CACNA1C: variants seen among roughly 807,000 people sequenced by gnomAD.
CACNA1C encodes the protein calcium voltage-gated channel subunit alpha1 C.
CACNA1C carries 30 observed loss-of-function variants against 229.0 expected under a neutral mutation model. The observed-to-expected ratio is 0.13, with a 90% CI of 0.10 to 0.18. The LOEUF (loss-of-function observed/expected upper bound fraction) is 0.18. CACNA1C is among the 10% of genes least tolerant of loss of function. The probability of loss-of-function intolerance (pLI) is 1.00; values close to 1 mark genes in which losing one functional copy is unlikely to be tolerated. For missense variants in CACNA1C, 1,658 were observed against 2,845.0 expected (o/e 0.58, Z 9.49); for synonymous variants, 1,114 against 1,132.5 (o/e 0.98, Z 0.33).
intron 3 of CACNA1C, among the ~76,000 whole-genome samples, chr12:2,298,750 T>C (rs1227628742): frequency 1.3e-5 from 2 of 152,238 alleles, no homozygotes; most frequent in African/African-American, 4.8e-5. Context: ...TCTTGTTCCA[T>C]GTTGCTGCTA....
chr12:2,015,974 A>G (rs1187650783), intron 1 of CACNA1C, among the ~76,000 whole-genome samples: 1 of 152,218 alleles, frequency 6.6e-6, no homozygotes, highest in Non-Finnish European at 1.5e-5. Flanking sequence ...TGACTTTGTT[A>G]TTTGGTAATG....
chr12:2,276,520 C>T (rs2088153104), intron 3 of CACNA1C, among the ~76,000 whole-genome samples: 1 of 152,204 alleles, frequency 6.6e-6, no homozygotes, highest in South Asian at 2.1e-4. Flanking sequence ...TCAGCTTCTC[C>T]TGATTCTCCA....
At chr12:2,671,557 G>T (rs986030715) in intron 38 of CACNA1C, among the ~76,000 whole-genome samples, 10 of 152,198 alleles carry the variant, frequency 6.6e-5, no homozygotes. Flanking sequence ...AAAGATTGAT[G>T]TAAATTAAGG....
chr12:2,558,954 A>T (rs934238786), intron 11 of CACNA1C, among the ~76,000 whole-genome samples: 1 of 152,032 alleles, frequency 6.6e-6, no homozygotes, highest in African/African-American at 2.4e-5. Context: ...AAAAAAAAAA[A>T]TTTCTCTCTC....
intron 3 of CACNA1C, among the ~76,000 whole-genome samples, chr12:2,201,597 T>A (rs2097580487): frequency 6.6e-6 from 1 of 152,246 alleles, no homozygotes. Flanking sequence ...ACTTCTAGCA[T>A]GTATTTATCC....
chr12:2,165,333 A>G (rs2096156627), intron 3 of CACNA1C, among the ~76,000 whole-genome samples: 1 of 152,260 alleles, frequency 6.6e-6, no homozygotes. Context: ...GAGATTTTCC[A>G]GATTGTCCCT....
Position 2,304,336 on chromosome 12 carries a change from C to T in CACNA1C, c.478-144640C>T, listed in dbSNP as rs373457337. 1.6e-4 allele frequency among the ~76,000 whole-genome samples: 24 copies of T among 152,278 alleles called. No individual in the cohort carries two copies. The East Asian group carries it at 3.1e-3, about 20-fold the overall frequency. On this transcript the variant is annotated intron_variant, in intron 3 of 46. Coordinates refer to ENST00000399655, the MANE Select transcript of CACNA1C (RefSeq NM_000719.7). ...CACGCTTTGGGCTTGCAGTTCCTTT[C>T]CTTCCTTCAGGGTCAGGCTTCACCA...
At chr12:2,445,564 G>A (rs1283706183) in intron 3 of CACNA1C, among the ~76,000 whole-genome samples, 3 of 152,130 alleles carry the variant, frequency 2.0e-5, no homozygotes, top group African/African-American at 2.4e-5. Context: ...AAGGCCAAAG[G>A]TCAACAAGAG....
At chr12:1,986,572 C>A (rs915101356) in intron 1 of CACNA1C, among the ~76,000 whole-genome samples, 6 of 152,064 alleles carry the variant, frequency 3.9e-5, no homozygotes, top group African/African-American at 1.4e-4. Context: ...GCTTTCCCTG[C>A]AACTGGCTTC....
intron 3 of CACNA1C, among the ~76,000 whole-genome samples, chr12:2,239,286 A>C (rs1243692575): frequency 6.6e-6 from 1 of 151,960 alleles, no homozygotes; most frequent in Non-Finnish European, 1.5e-5. Context: ...GTCATCGGGT[A>C]CCGTGTCAGT....
At chr12:2,090,483 A>T (rs1368377220) in intron 1 of CACNA1C, among the ~76,000 whole-genome samples, 1 of 151,762 alleles carries the variant, frequency 6.6e-6, no homozygotes, top group Non-Finnish European at 1.5e-5. Context: ...CTGCCTGGCT[A>T]ATTTTTGTAT....
At chr12:2,085,213 G>A (rs2067129857) in intron 1 of CACNA1C, among the ~76,000 whole-genome samples, 1 of 152,126 alleles carries the variant, frequency 6.6e-6, no homozygotes. Context: ...AGACCCTCCT[G>A]AGTGTATTAA....
At chr12:2,312,258 T>C (rs1400879682) in intron 3 of CACNA1C, among the ~76,000 whole-genome samples, 1 of 152,192 alleles carries the variant, frequency 6.6e-6, no homozygotes, top group Admixed American at 6.5e-5. Context: ...AAAGAGTTGC[T>C]GGAGGCTACC....
intron 3 of CACNA1C, among the ~76,000 whole-genome samples, chr12:2,192,382 C>T (rs1044706613): frequency 1.3e-5 from 2 of 152,178 alleles, no homozygotes; most frequent in African/African-American, 4.8e-5. Context: ...AGTCCCCACC[C>T]CTGAGCTCAG....
Position 2,664,892 on chromosome 12 carries a change from G to C in CACNA1C, c.4300G>C (p.Glu1434Gln). Residue 1434 changes from glutamate (E) to glutamine (Q), a missense_variant, in exon 35 of 47, where the codon GAG becomes CAG. By Grantham distance (29) the Glu-to-Gln change is conservative (BLOSUM62 2). This residue lies in a region of CACNA1C where 151 missense variants were observed against 344.4 expected (regional missense o/e 0.44). Transcript: ENST00000399655. ...ACMPGKKCAP[E>Q]SEPSNSTEGE... ...CATGCCAGGCAAGAAGTGTGCCCCAGAGTCCGAGCCCAGCAACAGCACGGA... is the reference window on the plus strand; with the variant it reads ...CATGCCAGGCAAGAAGTGTGCCCCACAGTCCGAGCCCAGCAACAGCACGGA... 6.2e-7 allele frequency: 1 copy of C among 1,613,574 alleles called. No individual in the cohort carries two copies. The highest frequency in any genetic ancestry group is 8.5e-7 in the Non-Finnish European group (1 of 1,179,668).
intron 11 of CACNA1C, among the ~76,000 whole-genome samples, chr12:2,560,456 T>C (rs148081350): frequency 0.015 from 2,315 of 152,318 alleles, 29 homozygotes; most frequent in South Asian, 0.032. Context: ...AGGATTCCCT[T>C]GGTAATCCAG....
At chr12:2,210,713 G>A (rs1029208575) in intron 3 of CACNA1C, among the ~76,000 whole-genome samples, 19 of 152,202 alleles carry the variant, frequency 1.2e-4, no homozygotes, top group Non-Finnish European at 2.4e-4. Flanking sequence ...ATTGATCAAA[G>A]TGTATTAGAG....
intron 1 of CACNA1C, among the ~76,000 whole-genome samples, chr12:2,078,471 A>G (rs780613926): frequency 1.3e-5 from 2 of 152,218 alleles, no homozygotes; most frequent in Non-Finnish European, 2.9e-5. Flanking sequence ...TAAGTGAAAT[A>G]AGCTGGTCAC....
Position 2,082,834 on chromosome 12 carries a change from G to A in CACNA1C, c.49+29223G>A, listed in dbSNP as rs558720373. Among the ~76,000 whole-genome samples, 37 of 152,268 alleles carry A rather than the reference G, an allele frequency of 2.4e-4. No homozygotes were observed. In the South Asian group the frequency reaches 7.1e-3, roughly 29 times the overall value. ...CAGTTTCCTATATTTTCAACAAAAC[G>A]CCTATCTCTGCTCAAGTCTACTTTA... On this transcript the variant is annotated intron_variant, in intron 1 of 46. Coordinates refer to ENST00000399655, the MANE Select transcript of CACNA1C (RefSeq NM_000719.7).
Sources: gnomAD v4.1 joint callset for allele counts (sites outside exome capture counted in the v4.1 genomes callset) on GRCh38, gnomAD v4.1.1 for gene constraint, gnomAD v4.1.1 regional missense constraint, MANE v1.5 for transcripts, NCBI Gene and HGNC (gene_info 2026-07-23, HGNC 2026-07-21) for gene names.